Variants in MARCHF1 observed in about 807,000 individuals in gnomAD.
MARCHF1 encodes membrane associated ring-CH-type finger 1.
MARCHF1 carries 40 observed loss-of-function variants against 54.2 expected under a neutral mutation model. That is an observed-to-expected ratio of 0.74 (90% CI 0.57 to 0.96). MARCHF1 has a LOEUF of 0.96. Ranked by LOEUF, MARCHF1 falls within the 40% of genes least tolerant of loss-of-function variation. MARCHF1 has a pLI of 0.00. For synonymous variants in MARCHF1, 236 were observed against 236.3 expected, an observed-to-expected ratio of 1.00 and a Z score of 0.01; for missense variants, 586 against 656.5, an observed-to-expected ratio of 0.89 and a Z score of 1.17.
intron 2 of MARCHF1, among the ~76,000 whole-genome samples, chr4:164,056,383 C>T (rs1167501987): frequency 6.6e-6 from 1 of 152,172 alleles, no homozygotes; most frequent in Non-Finnish European, 1.5e-5. Context: ...GTGTGACCTA[C>T]ACTGGCTCAA....
At position 163,561,875 on chromosome 4, in the gene MARCHF1, C is replaced by T. The variant is rs115011973; in HGVS notation, c.1192-16132G>A. ...ATCTATCTTTTGGTTCTGTGCTCCA[C>T]CTATAGCTACTGACTTGCTTACTTC... On this transcript the variant is annotated intron_variant, in intron 8 of 9. Coordinates refer to ENST00000514618, the MANE Select transcript of MARCHF1 (RefSeq NM_001394959.1). Among the ~76,000 whole-genome samples, 496 of 152,266 alleles carry T rather than the reference C, an allele frequency of 3.3e-3. 3 individuals carry two copies. The highest frequency in any genetic ancestry group is 6.1e-3 in the Non-Finnish European group (417 of 68,014).
intron 5 of MARCHF1, among the ~76,000 whole-genome samples, chr4:163,636,690 A>G (rs1047586387): frequency 3.9e-5 from 6 of 152,028 alleles, no homozygotes; most frequent in Non-Finnish European, 8.8e-5. Context: ...TTACAGATTC[A>G]ATGCCATCCC....
At chr4:164,303,898 A>G (rs964416883) in intron 1 of MARCHF1, among the ~76,000 whole-genome samples, 1 of 152,212 alleles carries the variant, frequency 6.6e-6, no homozygotes, top group African/African-American at 2.4e-5. Context: ...TATAGCCCCT[A>G]TGGGCATTAT....
At chr4:163,640,702 T>C (rs1382689915) in intron 5 of MARCHF1, among the ~76,000 whole-genome samples, 3 of 152,172 alleles carry the variant, frequency 2.0e-5, no homozygotes, top group Non-Finnish European at 2.9e-5. Context: ...CCAAGTTAGA[T>C]GAATTGCCAA....
intron 8 of MARCHF1, among the ~76,000 whole-genome samples, chr4:163,559,838 C>T (rs1269639969): frequency 6.6e-6 from 1 of 152,166 alleles, no homozygotes; most frequent in Non-Finnish European, 1.5e-5. Context: ...TACAATGCCT[C>T]AGGACATTTG....
intron 2 of MARCHF1, among the ~76,000 whole-genome samples, chr4:164,037,515 C>T (rs1754030853): frequency 6.6e-6 from 1 of 152,142 alleles, no homozygotes. Context: ...AATTCACACT[C>T]ATATAAATAA....
Position 163,956,908 on chromosome 4 carries a change from G to A in MARCHF1, c.-39+31593C>T, listed in dbSNP as rs532416232. Among the ~76,000 whole-genome samples the A allele has an allele frequency of 2.0e-5, 3 of 152,154 alleles. No homozygotes were observed. In the East Asian group the frequency reaches 5.8e-4, roughly 29 times the overall value. On this transcript the variant is annotated intron_variant, in intron 3 of 9. Coordinates refer to ENST00000514618, the MANE Select transcript of MARCHF1 (RefSeq NM_001394959.1). The stretch of plus-strand genomic sequence containing the variant: ...GAAGCTAAGTGTTCAACCAGCAAGA[G>A]TCCCTATGGCTAACCCATCCTCACT...
At chr4:164,241,230 A>G (rs540322397) in intron 1 of MARCHF1, among the ~76,000 whole-genome samples, 3 of 152,266 alleles carry the variant, frequency 2.0e-5, no homozygotes, top group Admixed American at 1.3e-4. Context: ...ACCAATCAGC[A>G]GTATCTATTC....
chr4:163,660,624 A>G (rs1466045148), intron 5 of MARCHF1, among the ~76,000 whole-genome samples: 2 of 152,068 alleles, frequency 1.3e-5, no homozygotes, highest in South Asian at 4.1e-4. Context: ...GTTAAAGCAC[A>G]TGTAATGAGA....
chr4:163,894,434 T>A (rs1224215250), intron 3 of MARCHF1, among the ~76,000 whole-genome samples: 1 of 151,546 alleles, frequency 6.6e-6, no homozygotes, highest in East Asian at 1.9e-4. Flanking sequence ...GTACAATGAG[T>A]GAATGAAAGA....
At chr4:164,155,603 T>C (rs913052164) in intron 1 of MARCHF1, among the ~76,000 whole-genome samples, 3 of 152,282 alleles carry the variant, frequency 2.0e-5, no homozygotes, top group African/African-American at 7.2e-5. Flanking sequence ...TACCACATGT[T>C]CTCACTTACA....
chr4:164,097,485 A>C (rs1403515677), intron 2 of MARCHF1, among the ~76,000 whole-genome samples: 1 of 152,198 alleles, frequency 6.6e-6, no homozygotes, highest in East Asian at 1.9e-4. Flanking sequence ...TTAGAGTTTC[A>C]AAATTACTAT....
Position 164,355,963 on chromosome 4 carries a change from A to G in MARCHF1, c.-323+27907T>C, listed in dbSNP as rs1443417855. 4.0e-5 allele frequency among the ~76,000 whole-genome samples: 5 copies of G among 124,088 alleles called. No homozygotes were observed. The East Asian group carries it at 9.1e-4, about 23-fold the overall frequency. 81.4% of individuals were successfully genotyped at this position (124,088 alleles called of 152,430 possible). A position where few individuals can be genotyped will look rare whatever the true frequency, so the allele number is the denominator to read the frequency against. On this transcript the variant is annotated intron_variant, in intron 1 of 9. Transcript: ENST00000514618. ...ATCAAAAAGTGGGCGAAGGACATGAACAGACACTTCTCAAAAGAAGACATT... is the reference window on the plus strand; with the variant it reads ...ATCAAAAAGTGGGCGAAGGACATGAGCAGACACTTCTCAAAAGAAGACATT...
In MARCHF1 at chr4:163,964,292, T is replaced by C. The variant is rs934673980; in HGVS notation, c.-39+24209A>G. 7.2e-5 allele frequency among the ~76,000 whole-genome samples: 11 copies of C among 152,002 alleles called. 1 individual carries two copies. The highest frequency in any genetic ancestry group is 1.5e-5 in the Non-Finnish European group (1 of 67,940). ...TAAAAACTTCACTATGAGTAGAAAC[T>C]CATAACTTAGTAGTTATTTAGTGAT... On this transcript the variant is annotated intron_variant, in intron 3 of 9. Transcript: ENST00000514618.
intron 4 of MARCHF1, among the ~76,000 whole-genome samples, chr4:163,703,924 C>A (rs1744877267): frequency 6.6e-6 from 1 of 151,716 alleles, no homozygotes. Flanking sequence ...AAAATCATTA[C>A]CAAGTTTTGT....
intron 8 of MARCHF1, among the ~76,000 whole-genome samples, chr4:163,582,494 C>A (rs542402210): frequency 6.6e-6 from 1 of 152,074 alleles, no homozygotes; most frequent in Non-Finnish European, 1.5e-5. Flanking sequence ...CCATTAAGCC[C>A]CAAGGTTTGT....
intron 3 of MARCHF1, among the ~76,000 whole-genome samples, chr4:163,856,739 C>T (rs1749775617): frequency 6.6e-6 from 1 of 152,058 alleles, no homozygotes; most frequent in South Asian, 2.1e-4. Flanking sequence ...GGCTGGGCAC[C>T]ATGGCTCATG....
intron 2 of MARCHF1, among the ~76,000 whole-genome samples, chr4:164,103,312 A>AT (rs1755614815): frequency 2.1e-5 from 1 of 48,604 alleles, no homozygotes; most frequent in East Asian, 2.6e-4. Context: ...CAGAATATAC[A>AT]TTTTTTTCAG....
At chr4:163,997,529 A>G (rs77846015) in intron 2 of MARCHF1, among the ~76,000 whole-genome samples, 2,425 of 152,172 alleles carry the variant, frequency 0.016, 55 homozygotes, top group African/African-American at 0.051. Flanking sequence ...TTAATAAATT[A>G]ATTCAAAAAT....
Sources: allele counts gnomAD v4.1 joint callset (sites outside exome capture counted in the v4.1 genomes callset), GRCh38; gene constraint gnomAD v4.1.1; transcripts MANE v1.5; gene names NCBI Gene and HGNC (gene_info 2026-07-23, HGNC 2026-07-21).